Variants in RGS6 observed in about 807,000 individuals in gnomAD.
The protein encoded by RGS6 is regulator of G protein signaling 6.
RGS6 carries 30 observed loss-of-function variants against 78.5 expected under a neutral mutation model. The ratio of observed to expected loss-of-function variants is 0.38; its 90% CI spans 0.29 to 0.52. The LOEUF (loss-of-function observed/expected upper bound fraction) is 0.52. RGS6 is among the 20% of genes least tolerant of loss of function. RGS6 has a pLI of 0.85. For missense variants in RGS6, 495 were observed against 609.7 expected (o/e 0.81, Z 1.98); for synonymous variants, 206 against 206.0 (o/e 1.00, Z 0.00).
At chr14:72,053,026 T>C (rs2093383686) in intron 2 of RGS6, among the ~76,000 whole-genome samples, 1 of 37,994 alleles carries the variant, frequency 2.6e-5, no homozygotes, top group Non-Finnish European at 5.2e-5. Context: ...TCTTTCTTTC[T>C]TTCCCCCTCC....
At chr14:71,993,168 G>A (rs1391303172) in intron 2 of RGS6, among the ~76,000 whole-genome samples, 1 of 152,204 alleles carries the variant, frequency 6.6e-6, no homozygotes, top group African/African-American at 2.4e-5. Flanking sequence ...AGGTAAGGGA[G>A]GACTTACTCC....
At chr14:71,919,378 C>A in the RGS6 span, among the ~76,000 whole-genome samples, 4 of 152,144 alleles carry the variant, frequency 2.6e-5, no homozygotes, top group Non-Finnish European at 5.9e-5. Flanking sequence ...ATTTAGCTCC[C>A]AGTGACGGCA....
chr14:72,436,022 T>C (rs902471002), intron 3 of RGS6, among the ~76,000 whole-genome samples: 3 of 152,152 alleles, frequency 2.0e-5, no homozygotes, highest in Non-Finnish European at 2.9e-5. Context: ...AGAAATGTGC[T>C]CAAAGGGAGG....
intron 2 of RGS6, among the ~76,000 whole-genome samples, chr14:72,337,227 C>T (rs1475985426): frequency 6.7e-6 from 1 of 149,534 alleles, no homozygotes; most frequent in Non-Finnish European, 1.5e-5. Context: ...CTGACTCCCA[C>T]CCCCATCACC....
At chr14:71,956,943 A>G (rs2092836113) in intron 1 of RGS6, among the ~76,000 whole-genome samples, 1 of 152,204 alleles carries the variant, frequency 6.6e-6, no homozygotes. Context: ...TTAAATGTCT[A>G]AATAAGTTTG....
intron 2 of RGS6, among the ~76,000 whole-genome samples, chr14:72,238,851 A>G (rs928382214): frequency 1.3e-5 from 2 of 152,002 alleles, no homozygotes; most frequent in African/African-American, 4.8e-5. Context: ...TGCCTAAAAC[A>G]CTCATACAAC....
intron 3 of RGS6, among the ~76,000 whole-genome samples, chr14:72,366,455 A>G (rs960570885): frequency 6.6e-6 from 1 of 152,204 alleles, no homozygotes; most frequent in Non-Finnish European, 1.5e-5. Context: ...GGTTTAGCAA[A>G]TAAATATTTC....
rs199744518 is a variant in RGS6, at chr14:71,946,564, C to T, written c.-21+13623C>T. On this transcript the variant is annotated intron_variant, in intron 1 of 17. Coordinates refer to ENST00000553525, the MANE Select transcript of RGS6 (RefSeq NM_001204424.2). ...TGAAGAAGGAAAACAAATGGAGAGA[C>T]GGAATGTGGTAAGCAAGGCCTATAT... Among the ~76,000 whole-genome samples, 87 of 152,142 alleles carry T rather than the reference C, an allele frequency of 5.7e-4. No individual in the cohort carries two copies. The East Asian group carries it at 0.013, about 23-fold the overall frequency.
the RGS6 span, among the ~76,000 whole-genome samples, chr14:71,900,955 A>G: frequency 6.6e-6 from 1 of 152,146 alleles, no homozygotes; most frequent in Non-Finnish European, 1.5e-5. Context: ...CTTAACAACC[A>G]GATCATGTGT....
chr14:72,096,341 A>G (rs1004440748), intron 2 of RGS6, among the ~76,000 whole-genome samples: 13 of 152,256 alleles, frequency 8.5e-5, no homozygotes, highest in Non-Finnish European at 1.9e-4. Context: ...TTAATTCTGT[A>G]TATATTCACA....
At chr14:72,628,088 T>C in the RGS6 span, among the ~76,000 whole-genome samples, 2 of 152,108 alleles carry the variant, frequency 1.3e-5, no homozygotes, top group Non-Finnish European at 2.9e-5. Context: ...TATCCATTCT[T>C]ACATCTCTAA....
chr14:72,432,199 G>T (rs530716439), intron 3 of RGS6, among the ~76,000 whole-genome samples: 1 of 152,306 alleles, frequency 6.6e-6, no homozygotes, highest in African/African-American at 2.4e-5. Flanking sequence ...ATAAGGGACA[G>T]GAGTCCTTTG....
intron 2 of RGS6, among the ~76,000 whole-genome samples, chr14:72,309,173 A>T (rs2067964041): frequency 6.6e-6 from 1 of 152,202 alleles, no homozygotes. Context: ...GTTCTAGGGA[A>T]GCCTGTCATC....
At chr14:72,080,288 A>G (rs1011108299) in intron 2 of RGS6, among the ~76,000 whole-genome samples, 1 of 150,410 alleles carries the variant, frequency 6.6e-6, no homozygotes, top group African/African-American at 2.4e-5. Context: ...TAGTGTTGTT[A>G]TTTTTTTTTC....
chr14:72,006,415 G>A (rs1595973767), intron 2 of RGS6, among the ~76,000 whole-genome samples: 1 of 152,126 alleles, frequency 6.6e-6, no homozygotes, highest in East Asian at 1.9e-4. Flanking sequence ...CCAAGATTAG[G>A]TTTTGAAAGA....
intron 12 of RGS6, among the ~76,000 whole-genome samples, chr14:72,485,432 G>A (rs2096469260): frequency 6.6e-6 from 1 of 152,106 alleles, no homozygotes; most frequent in Non-Finnish European, 1.5e-5. Context: ...ATGGTACTGT[G>A]CGTTGGCCAT....
chr14:72,233,098 A>G (rs2050077320), intron 2 of RGS6, among the ~76,000 whole-genome samples: 1 of 152,220 alleles, frequency 6.6e-6, no homozygotes, highest in African/African-American at 2.4e-5. Context: ...TGTAACTGGC[A>G]GAGAGGGAGC....
At chr14:72,044,598 C>T (rs36745) in intron 2 of RGS6, among the ~76,000 whole-genome samples, 10,421 of 152,168 alleles carry the variant, frequency 0.068, 459 homozygotes, top group East Asian at 0.17. Flanking sequence ...TGGCTGGGTG[C>T]GGTGGCTCAT....
chr14:72,262,070 G>A (rs1024582069), intron 2 of RGS6, among the ~76,000 whole-genome samples: 6 of 151,248 alleles, frequency 4.0e-5, no homozygotes, highest in African/African-American at 1.5e-4. Flanking sequence ...TTAGTCACTA[G>A]TACCTTCTAA....
Sources: gnomAD v4.1 joint callset for allele counts (sites outside exome capture counted in the v4.1 genomes callset) on GRCh38, gnomAD v4.1.1 for gene constraint, MANE v1.5 for transcripts, NCBI Gene and HGNC (gene_info 2026-07-23, HGNC 2026-07-21) for gene names.